A4GALT: variants seen among roughly 807,000 people sequenced by gnomAD.
A4GALT encodes the protein alpha 1,4-galactosyltransferase (P1PK blood group).
For missense variants in A4GALT, 512 were observed against 486.0 expected (o/e 1.05, Z -0.50); for synonymous variants, 257 against 220.7 (o/e 1.16, Z -1.46).
intron 1 of A4GALT, among the ~76,000 whole-genome samples, chr22:42,713,103 A>T: frequency 6.6e-6 from 1 of 151,346 alleles, no homozygotes; most frequent in East Asian, 1.9e-4. Flanking sequence ...CTGTAAAATA[A>T]AGAGCTGAGA....
At chr22:42,710,614 T>C (rs1921596939) in intron 1 of A4GALT, among the ~76,000 whole-genome samples, 1 of 151,816 alleles carries the variant, frequency 6.6e-6, no homozygotes, top group South Asian at 2.1e-4. Context: ...GGAGGATAGT[T>C]TGAGCCCAGG....
intron 1 of A4GALT, among the ~76,000 whole-genome samples, chr22:42,706,589 G>A (rs1244661503): frequency 6.6e-5 from 10 of 152,016 alleles, no homozygotes; most frequent in Non-Finnish European, 1.2e-4. Context: ...GAGGTCAGGA[G>A]TTCGAGACCA....
At chr22:42,699,327 C>T (rs549154789) in intron 1 of A4GALT, among the ~76,000 whole-genome samples, 12 of 152,222 alleles carry the variant, frequency 7.9e-5, no homozygotes, top group South Asian at 2.1e-4. Context: ...TCAAGTGATC[C>T]GCCCACCTCG....
chr22:42,695,841 G>A (rs1305094362), intron 1 of A4GALT, among the ~76,000 whole-genome samples: 1 of 152,174 alleles, frequency 6.6e-6, no homozygotes, highest in South Asian at 2.1e-4. Context: ...TTCCCTAAAG[G>A]AGTTCTCAGT....
chr22:42,699,661 C>T (rs1931169680), intron 1 of A4GALT, among the ~76,000 whole-genome samples: 2 of 152,204 alleles, frequency 1.3e-5, no homozygotes, highest in South Asian at 4.1e-4. Context: ...GTCATTGCCA[C>T]AGGGGCCTCG....
intron 1 of A4GALT, among the ~76,000 whole-genome samples, chr22:42,717,370 A>C (rs960895761): frequency 6.6e-6 from 1 of 152,012 alleles, no homozygotes; most frequent in African/African-American, 2.4e-5. Context: ...CATCAATGGG[A>C]GTGTTCACAC....
chr22:42,701,890 G>A (rs538514611), intron 1 of A4GALT, among the ~76,000 whole-genome samples: 8 of 152,210 alleles, frequency 5.3e-5, no homozygotes, highest in Admixed American at 2.0e-4. Context: ...AGAGACCCAC[G>A]TGACACTGTC....
intron 1 of A4GALT, among the ~76,000 whole-genome samples, chr22:42,706,995 A>G (rs1352057073): frequency 6.6e-6 from 1 of 152,158 alleles, no homozygotes; most frequent in Non-Finnish European, 1.5e-5. Context: ...GAATAGAAAA[A>G]TTACAGATAC....
intron 1 of A4GALT, among the ~76,000 whole-genome samples, chr22:42,702,643 C>T (rs1163254697): frequency 1.4e-5 from 2 of 145,342 alleles, no homozygotes; most frequent in African/African-American, 2.8e-5. Context: ...GGCTGAAACA[C>T]ACTCTTTACC....
chr22:42,694,863 C>T (rs1930811221), intron 2 of A4GALT: 1 of 152,214 alleles, frequency 6.6e-6, no homozygotes, highest in Non-Finnish European at 1.5e-5. Context: ...TCCATCCTGT[C>T]CATGCCAGGT....
intron 1 of A4GALT, among the ~76,000 whole-genome samples, chr22:42,704,582 G>T (rs967865753): frequency 1.1e-4 from 17 of 151,950 alleles, no homozygotes; most frequent in Non-Finnish European, 4.4e-5. Context: ...CGGAGCAGAG[G>T]TTACAAAATA....
intron 1 of A4GALT, among the ~76,000 whole-genome samples, chr22:42,717,071 T>C (rs1045669296): frequency 6.6e-6 from 1 of 151,244 alleles, no homozygotes; most frequent in African/African-American, 2.4e-5. Context: ...CAGGGGAGGG[T>C]ATGTGGACAC....
In A4GALT at chr22:42,694,016, C is replaced by T. The variant is rs1376055331; in HGVS notation, c.-46-19G>A. On this transcript the variant is annotated intron_variant, in intron 2 of 2. Transcript: ENST00000642412. Reference sequence around the variant, plus strand: ...GGCTGGTCTGCAAGAGATGAGCACCCGCCATCAGGGAGGCCGTTGGCATTC... The same window carrying T: ...GGCTGGTCTGCAAGAGATGAGCACCTGCCATCAGGGAGGCCGTTGGCATTC... The T allele has an allele frequency of 7.1e-6, 10 of 1,400,084 alleles. No individual in the cohort carries two copies. Among genetic ancestry groups the T allele is most frequent in the East Asian group, 2.5e-5 (1 of 40,272 alleles). 86.7% of individuals were successfully genotyped at this position (1,400,084 alleles called of 1,614,324 possible).
Position 42,692,712 on chromosome 22 carries a change from ACTGTC to A in A4GALT, c.*173_*177del. On this transcript the variant is annotated 3_prime_UTR_variant, in exon 3 of 3. Transcript: ENST00000642412. The surrounding 1 kb of genome is among the most constrained non-coding windows in gnomAD (Gnocchi z 4.6). ...TGTCAGCCCTGCCTCGAGACAGGAC[ACTGTC>A]CTCGGGGTGTCCACAGCCTCCCACT... 1.3e-6 allele frequency: 1 copy of A among 768,890 alleles called. No homozygotes were observed. 47.6% of individuals were successfully genotyped at this position (768,890 alleles called of 1,614,324 possible).
intron 1 of A4GALT, among the ~76,000 whole-genome samples, chr22:42,709,693 G>C (rs1921509137): frequency 1.3e-5 from 2 of 152,072 alleles, no homozygotes; most frequent in African/African-American, 4.8e-5. Flanking sequence ...AGGAGGCTGA[G>C]ATACGAGAAT....
intron 1 of A4GALT, among the ~76,000 whole-genome samples, chr22:42,698,868 G>T (rs772223128): frequency 1.4e-4 from 21 of 152,088 alleles, no homozygotes; most frequent in South Asian, 8.3e-4. Flanking sequence ...AACCAAAATG[G>T]CCATAAGAGT....
At chr22:42,717,794 A>C (rs1162327633) in intron 1 of A4GALT, among the ~76,000 whole-genome samples, 1 of 152,152 alleles carries the variant, frequency 6.6e-6, no homozygotes, top group Non-Finnish European at 1.5e-5. Flanking sequence ...ACCCACAAAT[A>C]AGAGCCAAAT....
rs762477967 is a variant in A4GALT at position 42,692,973 on chromosome 22, C to A, written c.979G>T (p.Glu327Ter). Reference protein sequence around the residue: ...WNKKSQGTRFEATSRALLAQL... With the variant: ...WNKKSQGTRF Reference sequence around the variant, plus strand: ...GCCAGCAGTGCCCTGGACGTGGCCTCGAACCGCGTGCCCTGGCTCTTCTTG... The same window carrying A: ...GCCAGCAGTGCCCTGGACGTGGCCTAGAACCGCGTGCCCTGGCTCTTCTTG... Residue 327 changes from glutamate (E) to a stop codon, truncating the protein, a stop_gained, in exon 3 of 3, where the codon GAG (glutamate) becomes TAG (stop). Transcript: ENST00000642412. LOFTEE classifies it high-confidence loss of function. This position sits in a 1 kb window ranked among gnomAD's most constrained non-coding sequence, Gnocchi z 4.6. The A allele has an allele frequency of 2.5e-6, 4 of 1,613,028 alleles. No homozygotes were observed. The Admixed American group carries it at 6.7e-5, about 27-fold the overall frequency.
intron 1 of A4GALT, among the ~76,000 whole-genome samples, chr22:42,708,305 G>T (rs1483647829): frequency 6.6e-6 from 1 of 151,858 alleles, no homozygotes; most frequent in African/African-American, 2.4e-5. Context: ...GAGAACCCAG[G>T]AGAAGGAGGT....
Sources: allele counts gnomAD v4.1 joint callset (sites outside exome capture counted in the v4.1 genomes callset), GRCh38; gene constraint gnomAD v4.1.1; non-coding constraint Gnocchi (gnomAD v3.1); transcripts MANE v1.5; gene names NCBI Gene and HGNC (gene_info 2026-07-23, HGNC 2026-07-21).